The following RPP40 variants were observed in gnomAD, a reference collection of about 807,000 sequenced individuals.
RPP40 encodes ribonuclease P/MRP subunit p40.
A neutral mutation model predicts 42.5 loss-of-function variants in RPP40; 30 were observed. The observed-to-expected ratio is 0.71, with a 90% CI of 0.53 to 0.96. The LOEUF (loss-of-function observed/expected upper bound fraction) is 0.96, where lower values mean the gene tolerates loss of function less well. Ranked by LOEUF, RPP40 falls within the 40% of genes least tolerant of loss-of-function variation. The pLI is 0.00. For synonymous variants in RPP40, 173 were observed against 164.0 expected (o/e 1.05, Z -0.42); for missense variants, 426 against 433.5 (o/e 0.98, Z 0.15).
Position 4,996,104 on chromosome 6 carries a change from AAG to A in RPP40, c.759-21_759-20del, listed in dbSNP as rs746540990. On this transcript the variant is annotated intron_variant, in intron 6 of 7. Coordinates refer to ENST00000380051, the MANE Select transcript of RPP40 (RefSeq NM_006638.4). ...ATTATTTCTGTCACCAAAAAAATAA[AAG>A]AGAGAGAGATAACACATGTATATCC... The A allele has an allele frequency of 6.2e-7, 1 of 1,613,108 alleles. No homozygotes were observed. Among genetic ancestry groups the A allele is most frequent in the South Asian group, 1.1e-5 (1 of 91,000 alleles).
At chr6:5,000,801 T>C (rs537189309) in intron 2 of RPP40, among the ~76,000 whole-genome samples, 170 bp from the exon 3 acceptor site, 9 of 151,608 alleles carry the variant, frequency 5.9e-5, no homozygotes, top group Middle Eastern at 6.8e-3. Flanking sequence ...AGCTGCAGCA[T>C]GCAGAAGACC....
At chr6:5,003,809 C>CA in intron 1 of RPP40, 71 bp downstream of exon 1, 3 of 1,534,498 alleles carry the variant, frequency 2.0e-6, no homozygotes, top group Non-Finnish European at 2.6e-6. Context: ...CGAAGCCTAG[C>CA]ACTCTCCCCA....
In RPP40 at chr6:4,995,035, G is replaced by A; in HGVS notation, c.*43C>T. The A allele has an allele frequency of 6.6e-7, 1 of 1,505,666 alleles. No individual in the cohort carries two copies. Among genetic ancestry groups the A allele is most frequent in the Non-Finnish European group, 9.1e-7 (1 of 1,099,218 alleles). 93.3% of individuals were successfully genotyped at this position (1,505,666 alleles called of 1,614,324 possible). A position where few individuals can be genotyped will look rare whatever the true frequency, so the allele number is the denominator to read the frequency against. ...CCTTTTACCATTAAGAAATCTGAAA[G>A]CAAGCGTAAATGTAAGTAAACACGA... is the stretch of plus-strand genomic sequence containing the variant. On this transcript the variant is annotated 3_prime_UTR_variant, in exon 8 of 8. Coordinates refer to ENST00000380051, the MANE Select transcript of RPP40 (RefSeq NM_006638.4).
intron 3 of RPP40, among the ~76,000 whole-genome samples, chr6:5,000,278 CCCAGGTT>C (rs1485545700): frequency 1.3e-5 from 2 of 152,084 alleles, no homozygotes; most frequent in Non-Finnish European, 2.9e-5. Context: ...ACCTCCGCCT[CCCAGGTT>C]CAAAGCGATT....
intron 4 of RPP40, among the ~76,000 whole-genome samples, chr6:4,999,395 T>C (rs1012699226): frequency 2.7e-5 from 4 of 145,776 alleles, no homozygotes; most frequent in African/African-American, 1.0e-4. Context: ...CCCTCCCGGG[T>C]TCAAGCAATT....
At chr6:4,993,189 T>G (rs151002381), downstream of RPP40, among the ~76,000 whole-genome samples, 45 of 152,368 alleles carry the variant, frequency 3.0e-4, no homozygotes, top group African/African-American at 1.1e-3. Context: ...GGACATCCTT[T>G]AACTTTTCTT....
chr6:4,991,942 G>T (rs1759266013), downstream of RPP40, among the ~76,000 whole-genome samples: 1 of 152,046 alleles, frequency 6.6e-6, no homozygotes, highest in Non-Finnish European at 1.5e-5. Flanking sequence ...CTCCTGCTCT[G>T]GCCATGCTTC....
chr6:4,997,838 C>G (rs1317328964), intron 5 of RPP40, among the ~76,000 whole-genome samples: 1 of 152,196 alleles, frequency 6.6e-6, no homozygotes, highest in Non-Finnish European at 1.5e-5. Flanking sequence ...ATGAGGAAAT[C>G]TCAGAACTTT....
rs113088227 is a variant in RPP40, at chr6:4,998,779, A to G, written c.496T>C (p.Ser166Pro). Residue 166 changes from serine to proline, a missense_variant, in exon 5 of 8, where the codon TCT becomes CCT. Physicochemically the swap from Ser to Pro is moderately conservative, Grantham distance 74 (BLOSUM62 -1). Coordinates refer to ENST00000380051, the MANE Select transcript of RPP40 (RefSeq NM_006638.4). ...NLDSKKYERISWSFKEKKPLK... is the reference protein window; with the variant it reads ...NLDSKKYERIPWSFKEKKPLK... ...GGCTTCTTTTCTTTGAAAGACCAAG[A>G]TATTCTTTCATACTTCTTAGAATCC... is the stretch of plus-strand genomic sequence containing the variant. 6.6e-7 allele frequency: 1 copy of G among 1,525,672 alleles called. No individual in the cohort carries two copies. The highest frequency in any genetic ancestry group is 2.3e-5 in the East Asian group (1 of 44,030). The allele number at this position is 1,525,672 out of a possible 1,614,324, so 94.5% of individuals were successfully genotyped here. A position where few individuals can be genotyped will look rare whatever the true frequency, so the allele number is the denominator to read the frequency against.
At chr6:4,994,313 A>G (rs1048122098), downstream of RPP40, among the ~76,000 whole-genome samples, 9 of 151,560 alleles carry the variant, frequency 5.9e-5, no homozygotes, top group South Asian at 2.1e-4. Flanking sequence ...GAGTTAATGG[A>G]TGCAGCACAC....
At chr6:4,993,538 A>C (rs528120792), downstream of RPP40, among the ~76,000 whole-genome samples, 21 of 152,074 alleles carry the variant, frequency 1.4e-4, no homozygotes, top group Non-Finnish European at 2.8e-4. Context: ...TCTATTTTAC[A>C]CTTGTGATTT....
chr6:4,999,800 G>A lies in RPP40; in HGVS notation c.433+9C>T. On this transcript the variant is annotated intron_variant, in intron 4 of 7. Transcript: ENST00000380051. ...GATTAGAAACAGATGGAACACACAT[G>A]ATACTTACTAAATTTCATAATTTTT... 1 of 1,456,506 alleles carries A rather than the reference G, an allele frequency of 6.9e-7. No homozygotes were observed. Among genetic ancestry groups the A allele is most frequent in the Non-Finnish European group, 9.6e-7 (1 of 1,037,446 alleles). The allele number at this position is 1,456,506 out of a possible 1,614,324, so 90.2% of individuals were successfully genotyped here.
downstream of RPP40, among the ~76,000 whole-genome samples, chr6:4,991,540 T>A (rs1759262095): frequency 6.6e-6 from 1 of 152,224 alleles, no homozygotes; most frequent in Non-Finnish European, 1.5e-5. Context: ...AGTTGATTGA[T>A]AAAATTGCTG....
At position 5,003,877 on chromosome 6, in the gene RPP40, C is replaced by T. The variant is rs374821728; in HGVS notation, c.123+3G>A. 8.5e-5 allele frequency: 137 copies of T among 1,611,694 alleles called. No homozygotes were observed. The highest frequency in any genetic ancestry group is 1.1e-4 in the Non-Finnish European group (132 of 1,178,330). ...CCGAAAAGCCGAGGACAGCCGGACT[C>T]ACCCTGTAGTTATAGTAGTGCGTCT... On this transcript the variant is annotated splice_donor_region_variant and intron_variant, in intron 1 of 7. Coordinates refer to ENST00000380051, the MANE Select transcript of RPP40 (RefSeq NM_006638.4).
Position 5,000,954 on chromosome 6 carries a change from C to A in RPP40, c.269-323G>T, listed in dbSNP as rs199856975. The A allele has an allele frequency of 9.1e-4, 353 of 387,056 alleles. 2 individuals are homozygous for A. The highest frequency in any genetic ancestry group is 2.5e-3 in the Middle Eastern group (5 of 2,012). 24.0% of individuals were successfully genotyped at this position (387,056 alleles called of 1,614,324 possible). On this transcript the variant is annotated intron_variant, in intron 2 of 7. Transcript: ENST00000380051. ...TGCAGAAGAACAAGCATGCAGAAGA[C>A]CAAGCATGCAGAAGACCAAGCATGC... is the stretch of plus-strand genomic sequence containing the variant.
intron 2 of RPP40, chr6:5,001,668 G>A (rs1759562519): frequency 6.1e-6 from 1 of 163,312 alleles, no homozygotes; most frequent in African/African-American, 2.4e-5. Flanking sequence ...CTAAGCAGAA[G>A]ACACTGGACC....
At chr6:4,998,065 C>T (rs1298880181) in intron 5 of RPP40, among the ~76,000 whole-genome samples, 1 of 152,220 alleles carries the variant, frequency 6.6e-6, no homozygotes, top group Non-Finnish European at 1.5e-5. Context: ...TGACGAGACA[C>T]TTCCCATGAG....
In RPP40 at chr6:5,000,633, T is replaced by C; in HGVS notation, c.269-2A>G. ...TGTATGTTAGTGCATAGCAAGAACCTGGAAGAGAAAGTACAGAGGAAAAAT... is the reference window on the plus strand; with the variant it reads ...TGTATGTTAGTGCATAGCAAGAACCCGGAAGAGAAAGTACAGAGGAAAAAT... On this transcript the variant is annotated splice_acceptor_variant, in intron 2 of 7. Coordinates refer to ENST00000380051, the MANE Select transcript of RPP40 (RefSeq NM_006638.4). LOFTEE classifies it high-confidence loss of function. 6.3e-7 allele frequency: 1 copy of C among 1,576,216 alleles called. No homozygotes were observed. Among genetic ancestry groups the C allele is most frequent in the Non-Finnish European group, 8.7e-7 (1 of 1,147,422 alleles).
Position 4,995,332 on chromosome 6 carries a change from AT to A in RPP40, c.894-57del, listed in dbSNP as rs547052558. 6.0e-3 allele frequency: 7,196 copies of A among 1,197,584 alleles called. 33 individuals carry two copies. Among genetic ancestry groups the A allele is most frequent in the Non-Finnish European group, 7.8e-3 (6,474 of 831,524 alleles). The allele number at this position is 1,197,584 out of a possible 1,614,324, so 74.2% of individuals were successfully genotyped here. On this transcript the variant is annotated intron_variant, in intron 7 of 7. Transcript: ENST00000380051. ...TTAAAAGAGAGTTAGGAATGTCTGC[AT>A]TTTAAAAAATTTATTCAGGATAAGT... is the stretch of plus-strand genomic sequence containing the variant.
Sources: gnomAD v4.1 joint callset for allele counts (sites outside exome capture counted in the v4.1 genomes callset) on GRCh38, gnomAD v4.1.1 for gene constraint, MANE v1.5 for transcripts, NCBI Gene and HGNC (gene_info 2026-07-23, HGNC 2026-07-21) for gene names.